The following KCNK2 variants were observed in gnomAD, a reference collection of about 807,000 sequenced individuals.
The protein encoded by KCNK2 is potassium channel subfamily K member 2.
KCNK2 carries 21 observed loss-of-function variants against 40.5 expected under a neutral mutation model. The ratio of observed to expected loss-of-function variants is 0.52; its 90% CI spans 0.37 to 0.75. KCNK2 has a LOEUF of 0.75. Ranked by LOEUF, KCNK2 falls within the 30% of genes least tolerant of loss-of-function variation. KCNK2 has a pLI of 0.00. For missense variants in KCNK2, 399 were observed against 531.6 expected, an observed-to-expected ratio of 0.75 and a Z score of 2.45; for synonymous variants, 191 against 202.2, an observed-to-expected ratio of 0.94 and a Z score of 0.47.
intron 2 of KCNK2, among the ~76,000 whole-genome samples, chr1:215,090,825 A>G (rs1659663169): frequency 6.6e-6 from 1 of 152,226 alleles, no homozygotes; most frequent in African/African-American, 2.4e-5. Flanking sequence ...GGACAAGGTC[A>G]TCTGGTGGCC....
intron 5 of KCNK2, among the ~76,000 whole-genome samples, chr1:215,187,117 A>G (rs957411562): frequency 3.9e-5 from 6 of 152,070 alleles, no homozygotes; most frequent in East Asian, 1.9e-4. Flanking sequence ...CCACAGGCAC[A>G]TGCCACCATA....
intron 1 of KCNK2, among the ~76,000 whole-genome samples, chr1:215,024,633 G>A (rs1656930913): frequency 6.6e-6 from 1 of 151,940 alleles, no homozygotes; most frequent in Admixed American, 6.6e-5. Flanking sequence ...CCTTTATAAA[G>A]CTTTTCATGC....
At chr1:215,230,841 G>A (rs1666632511) in intron 6 of KCNK2, among the ~76,000 whole-genome samples, 1 of 151,296 alleles carries the variant, frequency 6.6e-6, no homozygotes, top group African/African-American at 2.4e-5. Flanking sequence ...TCCACCTCTG[G>A]GAATTCTACA....
At chr1:215,115,898 G>C (rs1660914636) in intron 2 of KCNK2, among the ~76,000 whole-genome samples, 1 of 151,108 alleles carries the variant, frequency 6.6e-6, no homozygotes, top group South Asian at 2.1e-4. Flanking sequence ...CCGCTTCAGT[G>C]TGCTTGCTTC....
At chr1:215,103,648 T>A (rs1421409103) in intron 2 of KCNK2, among the ~76,000 whole-genome samples, 1 of 152,062 alleles carries the variant, frequency 6.6e-6, no homozygotes, top group Non-Finnish European at 1.5e-5. Flanking sequence ...TTAAAATAAT[T>A]TGGCTTAATT....
At chr1:215,083,633 G>A in intron 1 of KCNK2, 1 of 606,602 alleles carries the variant, frequency 1.6e-6, no homozygotes, top group South Asian at 2.0e-5. Context: ...CCCCTCTCCC[G>A]CCGGTGCCCG....
At position 215,205,760 on chromosome 1, in the gene KCNK2, AC is replaced by A. The variant is rs1401646417; in HGVS notation, c.963+10670del. Reference sequence around the variant, plus strand: ...ATGAAGGGGCTATTTGTTCTATATAACCTTTGCTATCCTGATTAATTTGGTA... The same window carrying A: ...ATGAAGGGGCTATTTGTTCTATATAACTTTGCTATCCTGATTAATTTGGTA... On this transcript the variant is annotated intron_variant, in intron 6 of 6. Transcript: ENST00000444842. Among the ~76,000 whole-genome samples, 8 of 152,206 alleles carry A rather than the reference AC, an allele frequency of 5.3e-5. No homozygotes were observed. The East Asian group carries it at 1.5e-3, about 29-fold the overall frequency.
chr1:215,169,898 G>A (rs1360389396), intron 4 of KCNK2, among the ~76,000 whole-genome samples: 3 of 152,032 alleles, frequency 2.0e-5, no homozygotes, highest in Non-Finnish European at 4.4e-5. Context: ...TGCCCATCTT[G>A]GGCTCCCAAA....
intron 3 of KCNK2, among the ~76,000 whole-genome samples, chr1:215,155,387 A>T (rs1487840733): frequency 6.6e-6 from 1 of 152,132 alleles, no homozygotes; most frequent in Non-Finnish European, 1.5e-5. Flanking sequence ...ATATTTATTG[A>T]CTATTATTAT....
chr1:215,222,235 T>C (rs1666209804), intron 6 of KCNK2, among the ~76,000 whole-genome samples: 1 of 148,034 alleles, frequency 6.8e-6, no homozygotes, highest in Admixed American at 6.8e-5. Flanking sequence ...GGGACAACTA[T>C]CCAAACTATA....
intron 3 of KCNK2, among the ~76,000 whole-genome samples, chr1:215,161,408 C>G (rs552238666): frequency 1.7e-4 from 26 of 151,716 alleles, no homozygotes; most frequent in African/African-American, 5.8e-4. Context: ...CTTGCTCTTT[C>G]TCCCTCTCTG....
intron 2 of KCNK2, among the ~76,000 whole-genome samples, chr1:215,103,784 C>A (rs1302610273): frequency 6.6e-6 from 1 of 151,974 alleles, no homozygotes; most frequent in East Asian, 1.9e-4. Flanking sequence ...CTGCTTTATT[C>A]TCCATTATTC....
chr1:215,102,595 T>A (rs1239187679), intron 2 of KCNK2, among the ~76,000 whole-genome samples: 1 of 152,054 alleles, frequency 6.6e-6, no homozygotes, highest in Non-Finnish European at 1.5e-5. Flanking sequence ...TCTGCAGTAG[T>A]GTACAGTAAT....
At chr1:215,028,562 A>G (rs1657076374) in intron 1 of KCNK2, among the ~76,000 whole-genome samples, 1 of 152,096 alleles carries the variant, frequency 6.6e-6, no homozygotes, top group Admixed American at 6.5e-5. Flanking sequence ...TTTAATTCTT[A>G]TGAAGCCTAC....
chr1:215,078,940 T>C (rs746415406), upstream of KCNK2, among the ~76,000 whole-genome samples: 12 of 152,208 alleles, frequency 7.9e-5, no homozygotes, highest in Non-Finnish European at 1.6e-4. Context: ...GACATTCTCA[T>C]TTTTTAATTT....
rs1369543980 is a variant in KCNK2, at chr1:215,044,820, TGTGTGTGC to T, written c.34+38867_34+38874del. Among the ~76,000 whole-genome samples the T allele has an allele frequency of 1.6e-3, 103 of 64,226 alleles. 2 individuals carry two copies. The highest frequency in any genetic ancestry group is 6.7e-3 in the Middle Eastern group (1 of 150). 42.1% of individuals were successfully genotyped at this position (64,226 alleles called of 152,430 possible). On this transcript the variant is annotated intron_variant, in intron 1 of 6. Coordinates refer to the KCNK2 transcript ENST00000391895. Reference sequence around the variant, plus strand: ...ATGTGTGTGTGTGTGTGTGTGTGTGTGTGTGTGCGCGCGCACACGTGTGTTGATGACGA... The same window carrying T: ...ATGTGTGTGTGTGTGTGTGTGTGTGTGCGCGCACACGTGTGTTGATGACGA...
chr1:215,160,031 G>A (rs1663125149), intron 3 of KCNK2, among the ~76,000 whole-genome samples: 2 of 152,126 alleles, frequency 1.3e-5, no homozygotes, highest in African/African-American at 4.8e-5. Context: ...ATGAAAGAAG[G>A]TTTATGAACT....
rs1272250268 is a variant in KCNK2, at chr1:215,236,854, T to C, written c.*1709T>C. ...TCTTTAAAAGAAGCAAATAAACTAA[T>C]AGACGCTTATTTTCCAAAATTTAAA... On this transcript the variant is annotated 3_prime_UTR_variant, in exon 7 of 7. Coordinates refer to ENST00000444842, the MANE Select transcript of KCNK2 (RefSeq NM_001017425.3). The C allele has an allele frequency of 2.0e-5, 3 of 152,156 alleles. No individual in the cohort carries two copies. The highest frequency in any genetic ancestry group is 4.8e-5 in the African/African-American group (2 of 41,440). The allele number at this position is 152,156 out of a possible 1,614,324, so 9.4% of individuals were successfully genotyped here.
intron 6 of KCNK2, among the ~76,000 whole-genome samples, chr1:215,209,253 T>TTTTATATATAAAATATATATAAATATA (rs1233412691): frequency 4.1e-5 from 5 of 121,944 alleles, no homozygotes; most frequent in Non-Finnish European, 6.3e-5. Flanking sequence ...TATACACATA[T>TTTTATATATAAAATATATATAAATATA]CTTATATATA....
Sources: allele counts gnomAD v4.1 joint callset (sites outside exome capture counted in the v4.1 genomes callset), GRCh38; gene constraint gnomAD v4.1.1; transcripts MANE v1.5; gene names NCBI Gene and HGNC (gene_info 2026-07-23, HGNC 2026-07-21).